Variants in ABCA13 observed in about 807,000 individuals in gnomAD.
ABCA13 encodes ATP binding cassette subfamily A member 13.
ABCA13 carries 476 observed loss-of-function variants against 478.7 expected under a neutral mutation model. That is an observed-to-expected ratio of 0.99 (90% CI 0.92 to 1.07). The LOEUF (loss-of-function observed/expected upper bound fraction) is 1.07, where lower values mean the gene tolerates loss of function less well. Among genes scored for constraint, ABCA13 ranks in the 50% least tolerant of loss-of-function variants. ABCA13 has a pLI of 0.00. For missense variants in ABCA13, 6,060 were observed against 5,910.6 expected (o/e 1.03, Z -0.83); for synonymous variants, 2,252 against 2,158.9 (o/e 1.04, Z -1.20).
chr7:48,442,270 C>CCAAA (rs59382669), intron 42 of ABCA13, among the ~76,000 whole-genome samples: 45,001 of 151,820 alleles, frequency 0.3, 6,685 homozygotes, highest in East Asian at 0.37. Context: ...GCTTGGGCTG[C>CCAAA]CAAACTGCCA....
intron 41 of ABCA13, among the ~76,000 whole-genome samples, chr7:48,420,121 A>G (rs1820551934): frequency 6.6e-6 from 1 of 152,138 alleles, no homozygotes; most frequent in Non-Finnish European, 1.5e-5. Flanking sequence ...CTTCATCTGC[A>G]TTTTGCCTGA....
At position 48,407,871 on chromosome 7, in the gene ABCA13, G is replaced by A. The variant is rs1252203226; in HGVS notation, c.12071-2649G>A. Among the ~76,000 whole-genome samples, 4 of 152,078 alleles carry A rather than the reference G, an allele frequency of 2.6e-5. No individual in the cohort carries two copies. In the East Asian group the frequency reaches 7.7e-4, roughly 29 times the overall value. On this transcript the variant is annotated intron_variant, in intron 39 of 61. Transcript: ENST00000435803. ...ATTATATTATTAATAGGTATTATAT[G>A]TAATCCAGAGATGATTTAAAGTATA...
chr7:48,474,307 T>G (rs4917156), intron 45 of ABCA13, among the ~76,000 whole-genome samples: 38,664 of 151,860 alleles, frequency 0.25, 5,272 homozygotes, highest in Middle Eastern at 0.36. Context: ...AGATGGGAAA[T>G]GTGGATAATT....
chr7:48,528,261 G>C lies in ABCA13; in HGVS notation c.14270G>C (p.Gly4757Ala). The C allele has an allele frequency of 6.3e-7, 1 of 1,576,888 alleles. No individual in the cohort carries two copies. The highest frequency in any genetic ancestry group is 8.6e-7 in the Non-Finnish European group (1 of 1,159,982). The change falls in exon 55 of 62, where the codon GGA (glycine) becomes GCA (alanine). Residue 4757 changes from glycine (G) to alanine (A), a missense_variant. Gly to Ala is a moderately conservative substitution (Grantham distance 60, BLOSUM62 0). Transcript: ENST00000435803. ...TGCTTTGGACTTCTAGGGGTGAATG[G>C]AGCTGGGAAGAGCACGACTTTCAAA... ...GECFGLLGVN[G>A]AGKSTTFKML... is the part of the protein sequence containing the mutation.
At chr7:48,344,339 AT>A (rs2128965149) in intron 29 of ABCA13, among the ~76,000 whole-genome samples, 1 of 152,326 alleles carries the variant, frequency 6.6e-6, no homozygotes, top group South Asian at 2.1e-4. Flanking sequence ...AGAAACTCTC[AT>A]TTAGAGCAAT....
intron 3 of ABCA13, among the ~76,000 whole-genome samples, chr7:48,203,241 A>G (rs1799098393): frequency 1.3e-5 from 2 of 151,868 alleles, no homozygotes; most frequent in African/African-American, 2.4e-5. Context: ...CGCGCACCGG[A>G]ACTCCAGCTG....
At chr7:48,624,963 G>T (rs1193756231) in intron 59 of ABCA13, among the ~76,000 whole-genome samples, 1 of 152,026 alleles carries the variant, frequency 6.6e-6, no homozygotes, top group African/African-American at 2.4e-5. Context: ...ACATTTCCTT[G>T]AGTTATCAAC....
intron 55 of ABCA13, among the ~76,000 whole-genome samples, chr7:48,556,355 T>A (rs1785825578): frequency 6.6e-6 from 1 of 152,002 alleles, no homozygotes; most frequent in Non-Finnish European, 1.5e-5. Flanking sequence ...AATGTTTCTT[T>A]GTTGATTTTC....
At chr7:48,499,819 G>A (rs928121297) in intron 48 of ABCA13, among the ~76,000 whole-genome samples, 1 of 152,060 alleles carries the variant, frequency 6.6e-6, no homozygotes, top group Non-Finnish European at 1.5e-5. Flanking sequence ...AGGAGCCTTG[G>A]ACCTTTTACC....
At position 48,271,857 on chromosome 7, in the gene ABCA13, A is replaced by C. The variant is rs745455869; in HGVS notation, c.2191A>C (p.Asn731His). 16 of 1,598,084 alleles carry C rather than the reference A, an allele frequency of 1.0e-5. No homozygotes were observed. The South Asian group carries it at 1.1e-4, about 11-fold the overall frequency. ...KLHTLEDEQM[N>H]FLLSFVEFFE... is the part of the protein sequence containing the mutation. ...GCACACCCTTGAGGATGAACAAATG[A>C]ACTTTCTTTTATCATTTGTGGAATT... The change falls in exon 17 of 62, where the codon AAC (asparagine) becomes CAC (histidine). Residue 731 changes from asparagine to histidine, a missense_variant. Transcript: ENST00000435803.
At chr7:48,188,569 T>A (rs1329132551) in intron 1 of ABCA13, among the ~76,000 whole-genome samples, 2 of 152,154 alleles carry the variant, frequency 1.3e-5, no homozygotes, top group Non-Finnish European at 2.9e-5. Context: ...TTTTTCTTTT[T>A]TTTTACGTTT....
intron 13 of ABCA13, among the ~76,000 whole-genome samples, chr7:48,247,369 A>G (rs774357229): frequency 6.6e-6 from 1 of 152,064 alleles, no homozygotes; most frequent in Non-Finnish European, 1.5e-5. Flanking sequence ...CCTATCTCAA[A>G]TTTATTTTTA....
At chr7:48,406,180 C>A (rs533594804) in intron 39 of ABCA13, among the ~76,000 whole-genome samples, 2 of 152,302 alleles carry the variant, frequency 1.3e-5, no homozygotes, top group South Asian at 4.1e-4. Context: ...TTGATCAGCC[C>A]TGGTACCAGT....
chr7:48,172,389 C>T (rs537235620), intron 1 of ABCA13, among the ~76,000 whole-genome samples: 14 of 151,998 alleles, frequency 9.2e-5, no homozygotes, highest in African/African-American at 3.1e-4. Context: ...CTGAATCCTC[C>T]GAGCCAGAAT....
intron 41 of ABCA13, among the ~76,000 whole-genome samples, chr7:48,421,254 C>A (rs1045642333): frequency 4.0e-5 from 6 of 151,874 alleles, no homozygotes; most frequent in Non-Finnish European, 8.8e-5. Context: ...CTTTTCTTAC[C>A]CACCTGTTTT....
chr7:48,504,753 T>C (rs571186949), intron 48 of ABCA13, among the ~76,000 whole-genome samples: 1 of 152,330 alleles, frequency 6.6e-6, no homozygotes, highest in Admixed American at 6.5e-5. Flanking sequence ...TGGCAGGATC[T>C]GATACTTTAT....
intron 41 of ABCA13, among the ~76,000 whole-genome samples, chr7:48,419,235 G>A (rs1820421753): frequency 6.6e-6 from 1 of 152,174 alleles, no homozygotes; most frequent in Non-Finnish European, 1.5e-5. Context: ...TTTGGGTGAC[G>A]ACACAGATCC....
In ABCA13 at chr7:48,276,172, G is replaced by A. The variant is rs771123791; in HGVS notation, c.6506G>A (p.Trp2169Ter). 91 of 1,593,158 alleles carry A rather than the reference G, an allele frequency of 5.7e-5. 1 individual carries two copies. The South Asian group carries it at 5.8e-4, about 10-fold the overall frequency. The change falls in exon 17 of 62, where the codon TGG becomes TAG. Residue 2169 changes from tryptophan (W) to a stop codon, truncating the protein, a stop_gained. Transcript: ENST00000435803. LOFTEE classifies it high-confidence loss of function. ...ALLAKAIATF[W>*]GSLKNISRAG... The stretch of plus-strand genomic sequence containing the variant: ...TTAGCCAAAGCTATTGCTACTTTTT[G>A]GGGCTCTTTAAAAAATATATCTAGA...
In ABCA13 at chr7:48,597,474, T is replaced by G. The variant is rs182082042; in HGVS notation, c.14744+2661T>G. ...AGACATGTTTTAATTTTTTTAGATT[T>G]TTCTGAGTCAAGTTGCTAGATTGAA... On this transcript the variant is annotated intron_variant, in intron 58 of 61. Transcript: ENST00000435803. Among the ~76,000 whole-genome samples the G allele has an allele frequency of 9.2e-5, 14 of 152,348 alleles. No homozygotes were observed. The East Asian group carries it at 2.5e-3, about 27-fold the overall frequency.
Sources: gnomAD v4.1 joint callset for allele counts (sites outside exome capture counted in the v4.1 genomes callset) on GRCh38, gnomAD v4.1.1 for gene constraint, MANE v1.5 for transcripts, NCBI Gene and HGNC (gene_info 2026-07-23, HGNC 2026-07-21) for gene names.